Variants in PTCH1 observed in about 807,000 individuals in gnomAD.
The protein encoded by PTCH1 is protein patched homolog 1.
Under a neutral mutation model 144.6 loss-of-function variants are expected in PTCH1, and 14 were observed. The ratio of observed to expected loss-of-function variants is 0.10; its 90% CI spans 0.06 to 0.15. The LOEUF (loss-of-function observed/expected upper bound fraction) is 0.15, where lower values mean the gene tolerates loss of function less well. Among genes scored for constraint, PTCH1 ranks in the 10% least tolerant of loss-of-function variants. PTCH1 has a pLI of 1.00. For synonymous variants in PTCH1, 833 were observed against 793.6 expected, an observed-to-expected ratio of 1.05 and a Z score of -0.83; for missense variants, 1,623 against 1,948.3, an observed-to-expected ratio of 0.83 and a Z score of 3.14.
chr9:95,514,681 G>A (rs1393067188), intron 1 of PTCH1, among the ~76,000 whole-genome samples: 1 of 151,684 alleles, frequency 6.6e-6, no homozygotes, highest in African/African-American at 2.4e-5. Context: ...AAAAACGGGA[G>A]ACATATTTTA....
At chr9:95,451,797 T>C (rs1838481617) in intron 20 of PTCH1, 1 of 152,230 alleles carries the variant, frequency 6.6e-6, no homozygotes. Flanking sequence ...ATGATAACGT[T>C]AGTGCCTGAA....
intron 12 of PTCH1, chr9:95,473,973 A>C: frequency 2.3e-6 from 1 of 430,386 alleles, no homozygotes; most frequent in Non-Finnish European, 4.7e-6. Flanking sequence ...GAAACACAAA[A>C]ACCAACAGTA....
chr9:95,448,842 G>C (rs767389408), intron 22 of PTCH1, among the ~76,000 whole-genome samples: 4 of 152,068 alleles, frequency 2.6e-5, no homozygotes, highest in Admixed American at 6.5e-5. Context: ...ACTGGCCCCT[G>C]CCCTTTTTAT....
intron 5 of PTCH1, 64 bp from the exon 6 acceptor site, chr9:95,480,652 C>G (rs111662939): frequency 7.3e-6 from 11 of 1,515,158 alleles, no homozygotes; most frequent in Middle Eastern, 1.7e-4. Flanking sequence ...TAAAGTAACA[C>G]GGCTGCGCCC....
intron 3 of PTCH1, among the ~76,000 whole-genome samples, chr9:95,484,922 C>T (rs28474857): frequency 0.1 from 15,244 of 152,164 alleles, 856 homozygotes; most frequent in African/African-American, 0.14. Context: ...AAGGTGTCAG[C>T]GGGCCAGGCA....
chr9:95,478,015 A>G, intron 9 of PTCH1, 40 bp downstream of exon 9: 1 of 1,613,860 alleles, frequency 6.2e-7, no homozygotes, highest in East Asian at 2.2e-5. Flanking sequence ...AAACAACCAA[A>G]CCAAACTCCA....
intron 6 of PTCH1, 93 bp downstream of exon 6, chr9:95,480,297 G>T: frequency 6.4e-7 from 1 of 1,552,518 alleles, no homozygotes; most frequent in Non-Finnish European, 8.8e-7. Context: ...AGAATGAAAT[G>T]TTAAAAATGA....
chr9:95,473,920 AT>A (rs1840807001), intron 12 of PTCH1: 1 of 365,976 alleles, frequency 2.7e-6, no homozygotes, highest in Admixed American at 3.3e-5. Flanking sequence ...CTTGGAAGCT[AT>A]AGTTGCAATT....
At position 95,508,546 on chromosome 9, in the gene PTCH1, GCGCTGCTGCCGCTGCGGCCGCGGC is replaced by G. The variant is rs1843939838; in HGVS notation, c.-209_-186del. The G allele has an allele frequency of 9.9e-7, 1 of 1,008,996 alleles. No individual in the cohort carries two copies. The highest frequency in any genetic ancestry group is 1.2e-6 in the Non-Finnish European group (1 of 845,506). 62.5% of individuals were successfully genotyped at this position (1,008,996 alleles called of 1,614,324 possible). ...GCCGCTGCTGCTGCTCACACGGCGG[GCGCTGCTGCCGCTGCGGCCGCGGC>G]CGCTGCCGGGGAGTCAGACCCTGCG... On this transcript the variant is annotated 5_prime_UTR_variant, in exon 1 of 24. Transcript: ENST00000331920.
intron 2 of PTCH1, among the ~76,000 whole-genome samples, chr9:95,500,280 A>G (rs940332499): frequency 4.6e-5 from 7 of 152,254 alleles, no homozygotes; most frequent in Non-Finnish European, 8.8e-5. Context: ...GATAGGGAGG[A>G]TTCGCAGGGT....
rs1363973362 is a variant in PTCH1, at chr9:95,508,661, C to T, written c.-300G>A. 2.9e-5 allele frequency: 29 copies of T among 987,666 alleles called. No individual in the cohort carries two copies. Among genetic ancestry groups the T allele is most frequent in the African/African-American group, 1.4e-4 (8 of 57,216 alleles). The allele number at this position is 987,666 out of a possible 1,614,324, so 61.2% of individuals were successfully genotyped here. On this transcript the variant is annotated 5_prime_UTR_variant, in exon 1 of 24. Transcript: ENST00000331920. The stretch of plus-strand genomic sequence containing the variant: ...CGGCCGCCGCTGCCCACATCCAGTT[C>T]GCGGAAGAGCGAGAGCCGGCGCGCC...
At chr9:95,465,373 GA>G (rs1554693684) in intron 15 of PTCH1, among the ~76,000 whole-genome samples, 1 of 152,162 alleles carries the variant, frequency 6.6e-6, no homozygotes, top group Non-Finnish European at 1.5e-5. Flanking sequence ...TCAATGGGGG[GA>G]AAATGAAAGC....
Position 95,458,160 on chromosome 9 carries a change from G to A in PTCH1, c.3021C>T (p.Ser1007=). The change falls in exon 18 of 24, where the codon TCC becomes TCT. Residue 1007 remains serine, a synonymous_variant. Coordinates refer to ENST00000331920, the MANE Select transcript of PTCH1 (RefSeq NM_000264.5). This position sits in a 1 kb window ranked among gnomAD's most constrained non-coding sequence, Gnocchi z 4.7. ...GGAAGGGGTAGCCGTTGGGGTAACTGGACAGCCCCAGGCTCGTATAGTTGC... is the reference window on the plus strand; with the variant it reads ...GGAAGGGGTAGCCGTTGGGGTAACTAGACAGCCCCAGGCTCGTATAGTTGC... The part of the protein sequence containing the change: ...ICSNYTSLGL[S]SYPNGYPFLF... 6.2e-7 allele frequency: 1 copy of A among 1,614,200 alleles called. No individual in the cohort carries two copies. Among genetic ancestry groups the A allele is most frequent in the Non-Finnish European group, 8.5e-7 (1 of 1,180,040 alleles).
rs917461967 is a variant in PTCH1, at chr9:95,477,810, C to CCAA, written c.1348-111_1348-109dup. The stretch of plus-strand genomic sequence containing the variant: ...CCCCAAATCAAAAGGCAGAACTTAT[C>CCAA]CAACAACAACAAAACTTTACATCAA... On this transcript the variant is annotated intron_variant, in intron 9 of 23. Coordinates refer to ENST00000331920, the MANE Select transcript of PTCH1 (RefSeq NM_000264.5). 5 of 1,509,604 alleles carry CCAA rather than the reference C, an allele frequency of 3.3e-6. No individual in the cohort carries two copies. The African/African-American group carries it at 5.6e-5, about 17-fold the overall frequency. The allele number at this position is 1,509,604 out of a possible 1,614,324, so 93.5% of individuals were successfully genotyped here.
intron 2 of PTCH1, among the ~76,000 whole-genome samples, chr9:95,499,470 T>C (rs2118780648): frequency 7.2e-6 from 1 of 138,448 alleles, no homozygotes; most frequent in African/African-American, 2.8e-5. Flanking sequence ...GTGGGCAGGT[T>C]AGAGTGGGTG....
intron 2 of PTCH1, among the ~76,000 whole-genome samples, chr9:95,487,523 G>C (rs1588626450): frequency 6.6e-6 from 1 of 152,192 alleles, no homozygotes; most frequent in South Asian, 2.1e-4. Flanking sequence ...AGAAAGCACA[G>C]TACTTAACAC....
Position 95,476,303 on chromosome 9 carries a change from C to T in PTCH1, c.1603-144G>A. On this transcript the variant is annotated intron_variant, in intron 11 of 23. Coordinates refer to ENST00000331920, the MANE Select transcript of PTCH1 (RefSeq NM_000264.5). The surrounding 1 kb of genome is among the most constrained non-coding windows in gnomAD (Gnocchi z 4.6). Reference sequence around the variant, plus strand: ...GCATTAGGGAAACAGAGCCACCTGCCTTACCCCCTAACACCAGCATTATTC... The same window carrying T: ...GCATTAGGGAAACAGAGCCACCTGCTTTACCCCCTAACACCAGCATTATTC... The T allele has an allele frequency of 2.5e-6, 3 of 1,179,972 alleles. No individual in the cohort carries two copies. 73.1% of individuals were successfully genotyped at this position (1,179,972 alleles called of 1,614,324 possible). A position where few individuals can be genotyped will look rare whatever the true frequency, so the allele number is the denominator to read the frequency against.
chr9:95,447,311 G>T lies in PTCH1; in HGVS notation c.3945C>A (p.Pro1315=). ...DPPREGLWPP[P]YRPRRDAFEI... ...CAAAAGCGTCTCTGCGCGGTCTGTA[G>T]GGGGGTGGCCACAAGCCTTCTCTGG... The change falls in exon 23 of 24, where the codon CCC becomes CCA. Residue 1315 remains proline, a synonymous_variant. Coordinates refer to ENST00000331920, the MANE Select transcript of PTCH1 (RefSeq NM_000264.5). 3 of 1,613,010 alleles carry T rather than the reference G, an allele frequency of 1.9e-6. No individual in the cohort carries two copies. Among genetic ancestry groups the T allele is most frequent in the Non-Finnish European group, 2.5e-6 (3 of 1,179,860 alleles).
rs1588503716 is a variant in PTCH1 at position 95,444,350 on chromosome 9, G to A, written c.*2043C>T. 1 of 152,340 alleles carries A rather than the reference G, an allele frequency of 6.6e-6. No homozygotes were observed. The highest frequency in any genetic ancestry group is 1.9e-4 in the East Asian group (1 of 5,200). The allele number at this position is 152,340 out of a possible 1,614,324, so 9.4% of individuals were successfully genotyped here. On this transcript the variant is annotated 3_prime_UTR_variant, in exon 24 of 24. Coordinates refer to ENST00000331920, the MANE Select transcript of PTCH1 (RefSeq NM_000264.5). ...GCGAGGGCACGCCAGGAGCCAGAGG[G>A]AAGTCGACTTCAGAATTCTGCATCA... is the stretch of plus-strand genomic sequence containing the variant.
Sources: allele counts gnomAD v4.1 joint callset (sites outside exome capture counted in the v4.1 genomes callset), GRCh38; gene constraint gnomAD v4.1.1; non-coding constraint Gnocchi (gnomAD v3.1); transcripts MANE v1.5; gene names NCBI Gene and HGNC (gene_info 2026-07-23, HGNC 2026-07-21).